The following SSBP2 variants were observed in gnomAD, a reference collection of about 807,000 sequenced individuals.
The protein encoded by SSBP2 is single-stranded DNA-binding protein 2.
Under a neutral mutation model 61.8 loss-of-function variants are expected in SSBP2, and 17 were observed. That is an observed-to-expected ratio of 0.28 (90% CI 0.19 to 0.41). SSBP2 has a LOEUF of 0.41. SSBP2 is among the 10% of genes least tolerant of loss of function. The pLI is 1.00. For missense variants in SSBP2, 310 were observed against 458.7 expected (o/e 0.68, Z 2.96); for synonymous variants, 139 against 141.3 (o/e 0.98, Z 0.12).
At chr5:81,513,431 T>C (rs889210443) in intron 5 of SSBP2, among the ~76,000 whole-genome samples, 197 bp downstream of exon 5, 1 of 152,060 alleles carries the variant, frequency 6.6e-6, no homozygotes, top group African/African-American at 2.4e-5. Flanking sequence ...ACTAAGTAAA[T>C]AAATACATAA....
intron 15 of SSBP2, among the ~76,000 whole-genome samples, chr5:81,431,680 G>A (rs75205348): frequency 0.014 from 2,114 of 152,110 alleles, 22 homozygotes; most frequent in Non-Finnish European, 0.024. Context: ...GGACTCTTGG[G>A]CTCAAGTGAT....
intron 6 of SSBP2, among the ~76,000 whole-genome samples, chr5:81,487,424 T>TTGG (rs1458680334): frequency 6.6e-6 from 1 of 152,136 alleles, no homozygotes; most frequent in East Asian, 1.9e-4. Flanking sequence ...GAAGATTTTA[T>TTGG]TGGTAAATAT....
At chr5:81,684,512 G>A (rs1282217162) in intron 1 of SSBP2, among the ~76,000 whole-genome samples, 1 of 152,152 alleles carries the variant, frequency 6.6e-6, no homozygotes, top group African/African-American at 2.4e-5. Context: ...TGTGCCCAAG[G>A]CCTTGGGACC....
rs1453692261 is a variant in SSBP2, at chr5:81,445,138, T to TATATACATA, written c.778+1729_778+1730insTATGTATAT. Among the ~76,000 whole-genome samples the TATATACATA allele has an allele frequency of 6.2e-3, 211 of 33,878 alleles. 17 individuals are homozygous for TATATACATA. The highest frequency in any genetic ancestry group is 0.022 in the African/African-American group (209 of 9,668). 22.2% of individuals were successfully genotyped at this position (33,878 alleles called of 152,430 possible). A position where few individuals can be genotyped will look rare whatever the true frequency, so the allele number is the denominator to read the frequency against. On this transcript the variant is annotated intron_variant, in intron 12 of 16. Coordinates refer to ENST00000320672, the MANE Select transcript of SSBP2 (RefSeq NM_012446.5). ...TGTCTCAGCAAAGAAAAAAAAAATT[T>TATATACATA]TATATATATATATATATATATATAT...
chr5:81,577,725 C>CA (rs772926541), intron 4 of SSBP2, among the ~76,000 whole-genome samples: 52 of 145,756 alleles, frequency 3.6e-4, no homozygotes, highest in South Asian at 2.4e-3. Flanking sequence ...ACTTGGTAAG[C>CA]AAAAAAAAAA....
In SSBP2 at chr5:81,693,509, T is replaced by C. The variant is rs1214694058; in HGVS notation, c.63-43170A>G. On this transcript the variant is annotated intron_variant, in intron 1 of 16. Coordinates refer to ENST00000320672, the MANE Select transcript of SSBP2 (RefSeq NM_012446.5). ...ATAATCTAATAATGTGATTATAAAA[T>C]GGGCAGAAGATCTGAATAGACATTT... 4.6e-5 allele frequency among the ~76,000 whole-genome samples: 7 copies of C among 152,206 alleles called. No individual in the cohort carries two copies. The East Asian group carries it at 1.4e-3, about 29-fold the overall frequency.
chr5:81,559,014 G>C (rs560478312), intron 4 of SSBP2, among the ~76,000 whole-genome samples: 1 of 152,300 alleles, frequency 6.6e-6, no homozygotes, highest in African/African-American at 2.4e-5. Flanking sequence ...CTACCACTTT[G>C]GGAGGCCAAG....
chr5:81,578,891 T>TATCC (rs1774435665), intron 4 of SSBP2, among the ~76,000 whole-genome samples: 1 of 152,172 alleles, frequency 6.6e-6, no homozygotes, highest in South Asian at 2.1e-4. Flanking sequence ...AGTAACAATC[T>TATCC]ATCCTTCTCT....
intron 8 of SSBP2, among the ~76,000 whole-genome samples, chr5:81,472,267 A>G (rs1008988911): frequency 6.6e-6 from 1 of 152,154 alleles, no homozygotes; most frequent in Non-Finnish European, 1.5e-5. Flanking sequence ...AAGCTTTCCC[A>G]AGAGAGACAA....
intron 3 of SSBP2, among the ~76,000 whole-genome samples, chr5:81,634,591 G>T (rs1374076846): frequency 2.0e-5 from 3 of 152,128 alleles, no homozygotes; most frequent in Non-Finnish European, 4.4e-5. Context: ...TAAATAAACA[G>T]TATTACTCTC....
Position 81,714,953 on chromosome 5 carries a change from C to T in SSBP2, c.62+36028G>A, listed in dbSNP as rs143901436. 3.9e-3 allele frequency among the ~76,000 whole-genome samples: 596 copies of T among 151,882 alleles called. 2 individuals are homozygous for T. Among genetic ancestry groups the T allele is most frequent in the Non-Finnish European group, 6.8e-3 (462 of 67,978 alleles). ...GGATTTTTTTTTTAAGTAGGAGGTCCAGTAACAAGAGAATTGTTTTAATCT... is the reference window on the plus strand; with the variant it reads ...GGATTTTTTTTTTAAGTAGGAGGTCTAGTAACAAGAGAATTGTTTTAATCT... On this transcript the variant is annotated intron_variant, in intron 1 of 16. Transcript: ENST00000320672.
At chr5:81,719,946 G>T (rs1755439738) in intron 1 of SSBP2, among the ~76,000 whole-genome samples, 1 of 152,042 alleles carries the variant, frequency 6.6e-6, no homozygotes, top group Non-Finnish European at 1.5e-5. Context: ...CTCAATAAAG[G>T]AGGTAGCTGG....
At chr5:81,476,742 C>T (rs555621017) in intron 6 of SSBP2, among the ~76,000 whole-genome samples, 2 of 152,258 alleles carry the variant, frequency 1.3e-5, no homozygotes, top group African/African-American at 4.8e-5. Flanking sequence ...TTTATCAACC[C>T]ATCAGCTGTA....
intron 1 of SSBP2, among the ~76,000 whole-genome samples, chr5:81,725,006 GGGATACA>G (rs371769189): frequency 5.2e-4 from 79 of 152,258 alleles, no homozygotes; most frequent in African/African-American, 1.8e-3. Flanking sequence ...TTAAGTGCTA[GGGATACA>G]GGTGTGAACA....
At chr5:81,745,579 T>A (rs745950089) in intron 1 of SSBP2, among the ~76,000 whole-genome samples, 22 of 152,082 alleles carry the variant, frequency 1.4e-4, no homozygotes, top group Non-Finnish European at 2.5e-4. Flanking sequence ...GTCACTAGCA[T>A]GCAAATATAT....
At chr5:81,448,879 T>C in intron 10 of SSBP2, 54 bp from the exon 11 acceptor site, 3 of 1,278,398 alleles carry the variant, frequency 2.3e-6, no homozygotes, top group African/African-American at 3.0e-5. Flanking sequence ...ATATGGACAC[T>C]GACCTAAAAT....
chr5:81,521,739 CT>C (rs1385319098), intron 4 of SSBP2, among the ~76,000 whole-genome samples: 5 of 151,876 alleles, frequency 3.3e-5, no homozygotes, highest in Non-Finnish European at 7.4e-5. Flanking sequence ...AATGTTCGTA[CT>C]TAGTTTCTTT....
intron 1 of SSBP2, among the ~76,000 whole-genome samples, chr5:81,719,598 T>A (rs1340802546): frequency 6.6e-6 from 1 of 152,078 alleles, no homozygotes; most frequent in African/African-American, 2.4e-5. Flanking sequence ...TTGTTTTCTT[T>A]GAGTGTGATA....
In SSBP2 at chr5:81,651,707, T is replaced by C. The variant is rs377105035; in HGVS notation, c.63-1368A>G. On this transcript the variant is annotated intron_variant, in intron 1 of 16. Coordinates refer to ENST00000320672, the MANE Select transcript of SSBP2 (RefSeq NM_012446.5). ...GATCTCCCTGTGGAAGTGTGGCTTA[T>C]CACCCAAAGTACATCATAAGGGATA... 1.1e-4 allele frequency among the ~76,000 whole-genome samples: 16 copies of C among 152,282 alleles called. No individual in the cohort carries two copies. The East Asian group carries it at 1.9e-3, about 18-fold the overall frequency.
Sources: allele counts gnomAD v4.1 joint callset (sites outside exome capture counted in the v4.1 genomes callset), GRCh38; gene constraint gnomAD v4.1.1; transcripts MANE v1.5; gene names NCBI Gene and HGNC (gene_info 2026-07-23, HGNC 2026-07-21).